The following CLIC5 variants were observed in gnomAD, a reference collection of about 807,000 sequenced individuals.
CLIC5 encodes chloride intracellular channel protein 5.
In CLIC5, 20 loss-of-function variants were observed where a neutral mutation model predicts 24.7. That is an observed-to-expected ratio of 0.81 (90% CI 0.57 to 1.18). The LOEUF (loss-of-function observed/expected upper bound fraction) is 1.18. CLIC5 is among the 50% of genes most tolerant of loss of function. The pLI is 0.00. For missense variants in CLIC5, 341 were observed against 326.1 expected (o/e 1.05, Z -0.35); for synonymous variants, 159 against 135.6 (o/e 1.17, Z -1.20).
At chr6:46,108,397 T>TGAGAGAGA in the CLIC5 span, among the ~76,000 whole-genome samples, 29 of 148,412 alleles carry the variant, frequency 2.0e-4, no homozygotes, top group Non-Finnish European at 3.6e-4. Flanking sequence ...TGTGTGTGTG[T>TGAGAGAGA]GTGTGAGAGA....
chr6:45,915,273 T>A (rs1392423563), intron 4 of CLIC5, among the ~76,000 whole-genome samples: 1 of 152,150 alleles, frequency 6.6e-6, no homozygotes, highest in Non-Finnish European at 1.5e-5. Flanking sequence ...TATAATTTGC[T>A]AATATTCCAC....
chr6:45,974,600 T>C (rs546224558), intron 1 of CLIC5, among the ~76,000 whole-genome samples: 3 of 116,602 alleles, frequency 2.6e-5, no homozygotes, highest in Non-Finnish European at 3.6e-5. Context: ...TAGAGAGGAG[T>C]TGAGGGCAGG....
chr6:45,960,354 A>G (rs1226947257), intron 1 of CLIC5, among the ~76,000 whole-genome samples: 1 of 152,232 alleles, frequency 6.6e-6, no homozygotes, highest in Admixed American at 6.5e-5. Context: ...TTTCAGCTCC[A>G]ATGCACCCTT....
At chr6:45,920,753 G>T in intron 4 of CLIC5, 1 of 655,396 alleles carries the variant, frequency 1.5e-6, no homozygotes, top group Non-Finnish European at 1.9e-6. Context: ...CCAGGAGCAA[G>T]CGGGATGTAG....
chr6:46,042,019 A>G (rs1767821165), intron 1 of CLIC5, among the ~76,000 whole-genome samples: 1 of 152,194 alleles, frequency 6.6e-6, no homozygotes, highest in Non-Finnish European at 1.5e-5. Flanking sequence ...TTATCTATAT[A>G]ATGGGAATAT....
At chr6:46,064,805 G>C (rs897893116) in intron 1 of CLIC5, among the ~76,000 whole-genome samples, 8 of 152,114 alleles carry the variant, frequency 5.3e-5, no homozygotes, top group Non-Finnish European at 1.5e-5. Context: ...TAAACTTGAA[G>C]TGGATGATAG....
At chr6:46,109,155 T>C in the CLIC5 span, among the ~76,000 whole-genome samples, 1 of 152,302 alleles carries the variant, frequency 6.6e-6, no homozygotes, top group Admixed American at 6.5e-5. Flanking sequence ...TTATAGATAT[T>C]TCTAAGTATT....
At chr6:45,974,144 A>T (rs1004334598) in intron 1 of CLIC5, among the ~76,000 whole-genome samples, 1 of 151,984 alleles carries the variant, frequency 6.6e-6, no homozygotes, top group Non-Finnish European at 1.5e-5. Context: ...TGTACGTGTG[A>T]GAGAGAGGAG....
In CLIC5 at chr6:45,901,762, T is replaced by G. The variant is rs1221777256; in HGVS notation, c.*1326A>C. On this transcript the variant is annotated 3_prime_UTR_variant, in exon 6 of 6. Transcript: ENST00000339561. The stretch of plus-strand genomic sequence containing the variant: ...AAGAGTGAAATATTAGCTTAAAAAT[T>G]TTTCCTTTTTTTTTTCACCTGGCAG... The G allele has an allele frequency of 6.8e-6, 1 of 147,614 alleles. No individual in the cohort carries two copies. The highest frequency in any genetic ancestry group is 6.7e-5 in the Admixed American group (1 of 14,982). The allele number at this position is 147,614 out of a possible 1,614,324, so 9.1% of individuals were successfully genotyped here.
chr6:45,941,698 C>G, intron 3 of CLIC5, 45 bp from the exon 4 acceptor site: 2 of 1,405,538 alleles, frequency 1.4e-6, no homozygotes, highest in Non-Finnish European at 2.0e-6. Context: ...AGACTTGGAG[C>G]TCCTTTAAGG....
intron 1 of CLIC5, among the ~76,000 whole-genome samples, chr6:46,050,842 A>AGT (rs1362299564): frequency 2.1e-5 from 2 of 93,192 alleles, no homozygotes; most frequent in African/African-American, 4.3e-5. Flanking sequence ...TAAGGTATAA[A>AGT]GTGTGTGTGT....
intron 4 of CLIC5, among the ~76,000 whole-genome samples, chr6:45,927,054 C>T (rs1011938560): frequency 2.0e-5 from 3 of 152,200 alleles, no homozygotes; most frequent in East Asian, 3.9e-4. Flanking sequence ...GGTTCCACAG[C>T]GGGGACAGGA....
At chr6:46,060,205 C>T (rs1762210821) in intron 1 of CLIC5, among the ~76,000 whole-genome samples, 1 of 152,086 alleles carries the variant, frequency 6.6e-6, no homozygotes, top group African/African-American at 2.4e-5. Flanking sequence ...TGTCCAGGGC[C>T]CTGCTGACAT....
chr6:45,912,665 G>A, intron 5 of CLIC5: 1 of 1,533,682 alleles, frequency 6.5e-7, no homozygotes, highest in South Asian at 1.2e-5. Flanking sequence ...CGGGTCTCCT[G>A]ATCTTTGCAT....
At chr6:46,065,972 T>C (rs1581914549) in intron 1 of CLIC5, among the ~76,000 whole-genome samples, 1 of 152,220 alleles carries the variant, frequency 6.6e-6, no homozygotes, top group South Asian at 2.1e-4. Flanking sequence ...TATGGTATAA[T>C]GCATTTGTGT....
intron 1 of CLIC5, among the ~76,000 whole-genome samples, chr6:46,000,758 G>A (rs1766326047): frequency 6.6e-6 from 1 of 152,122 alleles, no homozygotes; most frequent in African/African-American, 2.4e-5. Context: ...CACGAGAACA[G>A]CATGGGGGAA....
At chr6:46,101,917 A>C in the CLIC5 span, among the ~76,000 whole-genome samples, 1 of 152,024 alleles carries the variant, frequency 6.6e-6, no homozygotes, top group Admixed American at 6.6e-5. Context: ...TCCTGGGGGA[A>C]AAAATATTTT....
At chr6:46,120,406 G>T in the CLIC5 span, among the ~76,000 whole-genome samples, 2 of 152,152 alleles carry the variant, frequency 1.3e-5, no homozygotes, top group African/African-American at 4.8e-5. Context: ...AAACAGAAAG[G>T]ACATCCACAC....
intron 1 of CLIC5, among the ~76,000 whole-genome samples, chr6:45,993,751 G>C (rs1766027547): frequency 6.6e-6 from 1 of 152,210 alleles, no homozygotes; most frequent in African/African-American, 2.4e-5. Context: ...AGGGCCACTA[G>C]AGTGGGAACA....
Sources: gnomAD v4.1 joint callset for allele counts (sites outside exome capture counted in the v4.1 genomes callset) on GRCh38, gnomAD v4.1.1 for gene constraint, MANE v1.5 for transcripts, NCBI Gene and HGNC (gene_info 2026-07-23, HGNC 2026-07-21) for gene names.